CA10: variants seen among roughly 807,000 people sequenced by gnomAD.
CA10 encodes carbonic anhydrase 10 (inactive), also known as carbonic anhydrase-related protein 10.
CA10 carries 14 observed loss-of-function variants against 44.2 expected under a neutral mutation model. That is an observed-to-expected ratio of 0.32 (90% confidence interval 0.21 to 0.50). The LOEUF is 0.50. CA10 is among the 20% of genes least tolerant of loss of function. CA10 has a pLI of 0.99. For synonymous variants in CA10, 159 were observed against 141.6 expected (o/e 1.12, Z -0.87); for missense variants, 350 against 409.7 (o/e 0.85, Z 1.26).
At chr17:52,150,048 A>C (rs945616043) in intron 1 of CA10, among the ~76,000 whole-genome samples, 1 of 152,042 alleles carries the variant, frequency 6.6e-6, no homozygotes, top group Non-Finnish European at 1.5e-5. Context: ...CATCCATCAC[A>C]CTACACTCTT....
At chr17:51,645,300 T>C (rs1253396170) in intron 6 of CA10, among the ~76,000 whole-genome samples, 1 of 152,184 alleles carries the variant, frequency 6.6e-6, no homozygotes, top group African/African-American at 2.4e-5. Flanking sequence ...TCTGCTTAAA[T>C]TCCTAGATTG....
rs80159979 is a variant in CA10, at chr17:51,846,514, A to G, written c.279+84476T>C. On this transcript the variant is annotated intron_variant, in intron 3 of 8. Transcript: ENST00000451037. ...AATCCTCATAACAATCTTAACAGGT[A>G]GCAACTGTTATTATCCTCATTTCAC... is the stretch of plus-strand genomic sequence containing the variant. 4.0e-3 allele frequency among the ~76,000 whole-genome samples: 615 copies of G among 152,326 alleles called. 1 individual carries two copies. Among genetic ancestry groups the G allele is most frequent in the African/African-American group, 0.014 (588 of 41,584 alleles).
At chr17:51,881,242 G>GA (rs11423498) in intron 3 of CA10, among the ~76,000 whole-genome samples, 107,238 of 123,672 alleles carry the variant, frequency 0.87, 46,714 homozygotes, top group East Asian at 0.97. Context: ...TCCGTCTCAA[G>GA]AAAAAAAAAA....
At chr17:52,035,556 A>C (rs990676706) in intron 2 of CA10, among the ~76,000 whole-genome samples, 7 of 152,220 alleles carry the variant, frequency 4.6e-5, no homozygotes, top group African/African-American at 1.7e-4. Flanking sequence ...CTCACACAAA[A>C]AAACAAAAGA....
chr17:52,023,305 A>G (rs1313938398), intron 2 of CA10, among the ~76,000 whole-genome samples: 1 of 152,138 alleles, frequency 6.6e-6, no homozygotes, highest in Non-Finnish European at 1.5e-5. Flanking sequence ...ATAAACCCAT[A>G]TCCCTACAAC....
intron 3 of CA10, among the ~76,000 whole-genome samples, chr17:51,852,259 G>C (rs57462513): frequency 0.34 from 51,687 of 152,046 alleles, 10,847 homozygotes; most frequent in African/African-American, 0.6. Flanking sequence ...TCCGTTCAAA[G>C]AGATTTCAGC....
At chr17:51,884,286 A>C (rs1980501094) in intron 3 of CA10, among the ~76,000 whole-genome samples, 1 of 152,174 alleles carries the variant, frequency 6.6e-6, no homozygotes, top group South Asian at 2.1e-4. Context: ...ACAGATGGCC[A>C]CTTTGCTCGC....
chr17:52,110,822 A>G (rs565704011), intron 1 of CA10, among the ~76,000 whole-genome samples: 1 of 152,248 alleles, frequency 6.6e-6, no homozygotes, highest in East Asian at 1.9e-4. Flanking sequence ...CGTATCCTCC[A>G]TGGCCAAGCA....
At chr17:52,123,851 G>C (rs913401215) in intron 1 of CA10, among the ~76,000 whole-genome samples, 2 of 152,032 alleles carry the variant, frequency 1.3e-5, no homozygotes, top group African/African-American at 4.8e-5. Flanking sequence ...ACTTTAAAAG[G>C]CATCAGGATT....
intron 1 of CA10, among the ~76,000 whole-genome samples, chr17:52,088,440 G>A (rs1988176738): frequency 1.3e-5 from 2 of 152,148 alleles, no homozygotes; most frequent in African/African-American, 4.8e-5. Context: ...TGTGCACCCT[G>A]TATAGGAAAA....
At chr17:51,830,360 C>T (rs369951271) in intron 3 of CA10, among the ~76,000 whole-genome samples, 78 of 151,870 alleles carry the variant, frequency 5.1e-4, no homozygotes, top group African/African-American at 1.7e-3. Flanking sequence ...CCTTTTTGTT[C>T]TCTCTCTCAA....
In CA10 at chr17:51,897,427, CCT is replaced by C. The variant is rs1463657625; in HGVS notation, c.279+33561_279+33562del. Among the ~76,000 whole-genome samples, 64 of 152,032 alleles carry C rather than the reference CCT, an allele frequency of 4.2e-4. No homozygotes were observed. In the Middle Eastern group the frequency reaches 0.014, roughly 32 times the overall value. On this transcript the variant is annotated intron_variant, in intron 3 of 8. Transcript: ENST00000451037. ...CTATTCTGTTCCATTGTTCTGTGTGCCTGTTTTTGTACTTGCACCATGCTGTT... is the reference window on the plus strand; with the variant it reads ...CTATTCTGTTCCATTGTTCTGTGTGCGTTTTTGTACTTGCACCATGCTGTT...
At chr17:52,020,467 T>C (rs972089118) in intron 2 of CA10, among the ~76,000 whole-genome samples, 23 of 152,068 alleles carry the variant, frequency 1.5e-4, no homozygotes, top group African/African-American at 5.5e-4. Context: ...TCTAGGATCA[T>C]TTTTCTTTGC....
At chr17:51,852,764 T>G (rs1344721731) in intron 3 of CA10, among the ~76,000 whole-genome samples, 1 of 152,184 alleles carries the variant, frequency 6.6e-6, no homozygotes, top group African/African-American at 2.4e-5. Context: ...CCACTCACAG[T>G]GTTGTTGTCA....
At chr17:51,745,693 G>A (rs1474823435) in intron 4 of CA10, among the ~76,000 whole-genome samples, 1 of 152,156 alleles carries the variant, frequency 6.6e-6, no homozygotes, top group African/African-American at 2.4e-5. Context: ...AGAAACAAGT[G>A]TCACTAAAGA....
intron 1 of CA10, among the ~76,000 whole-genome samples, chr17:52,109,483 G>A (rs1291451675): frequency 6.6e-6 from 1 of 152,204 alleles, no homozygotes; most frequent in Non-Finnish European, 1.5e-5. Flanking sequence ...CCAGAACAAG[G>A]CACTGTGTGG....
At chr17:52,099,221 A>T (rs1988479334) in intron 1 of CA10, among the ~76,000 whole-genome samples, 1 of 152,184 alleles carries the variant, frequency 6.6e-6, no homozygotes, top group Non-Finnish European at 1.5e-5. Flanking sequence ...AAAGAGCTTA[A>T]TATGCTCACA....
intron 1 of CA10, among the ~76,000 whole-genome samples, chr17:52,155,378 T>C (rs1217291396): frequency 6.6e-6 from 1 of 152,152 alleles, no homozygotes; most frequent in Non-Finnish European, 1.5e-5. Context: ...GAGACAGAAA[T>C]GAAAGATCCA....
intron 4 of CA10, among the ~76,000 whole-genome samples, chr17:51,677,457 C>T (rs1336005200): frequency 2.0e-5 from 3 of 152,100 alleles, no homozygotes; most frequent in Non-Finnish European, 4.4e-5. Flanking sequence ...CCTGAGGCCC[C>T]CCCAGAAGCA....
Sources: allele counts gnomAD v4.1 joint callset (sites outside exome capture counted in the v4.1 genomes callset), GRCh38; gene constraint gnomAD v4.1.1; transcripts MANE v1.5; gene names NCBI Gene and HGNC (gene_info 2026-07-23, HGNC 2026-07-21).